Variants in NRXN1 observed in about 807,000 individuals in gnomAD.
NRXN1 encodes neurexin-1.
In NRXN1, 39 loss-of-function variants were observed where a neutral mutation model predicts 150.9. The observed-to-expected ratio is 0.26, with a 90% confidence interval of 0.20 to 0.34. NRXN1 has a LOEUF of 0.34. Ranked by LOEUF, NRXN1 falls within the 10% of genes least tolerant of loss-of-function variation. The pLI is 1.00. For synonymous variants in NRXN1, 924 were observed against 757.0 expected, an observed-to-expected ratio of 1.22 and a Z score of -3.62; for missense variants, 1,815 against 1,949.9, an observed-to-expected ratio of 0.93 and a Z score of 1.30.
Position 50,567,361 on chromosome 2 carries a change from C to T in NRXN1, c.1321-14336G>A, listed in dbSNP as rs1573578795. On this transcript the variant is annotated intron_variant, in intron 8 of 22. Coordinates refer to ENST00000401669, the MANE Select transcript of NRXN1 (RefSeq NM_001330078.2). ...GAGAGATGTACTAACCACACGTAGA[C>T]TGGGACCATTTTTTTCATTGTAACT... Among the ~76,000 whole-genome samples the T allele has an allele frequency of 2.6e-5, 4 of 152,218 alleles. 1 individual carries two copies. The highest frequency in any genetic ancestry group is 2.1e-4 in the South Asian group (1 of 4,818).
At chr2:50,072,056 T>C (rs1386456882) in intron 19 of NRXN1, among the ~76,000 whole-genome samples, 1 of 152,250 alleles carries the variant, frequency 6.6e-6, no homozygotes. Flanking sequence ...GAAATATACA[T>C]GATTATATGT....
intron 18 of NRXN1, among the ~76,000 whole-genome samples, chr2:50,131,254 C>G (rs1035405273): frequency 2.0e-5 from 3 of 152,152 alleles, no homozygotes; most frequent in Non-Finnish European, 4.4e-5. Flanking sequence ...ATCATTAACA[C>G]CTTTGTCCCA....
chr2:50,267,388 GT>G (rs2069022162), intron 17 of NRXN1, among the ~76,000 whole-genome samples: 1 of 152,068 alleles, frequency 6.6e-6, no homozygotes, highest in Admixed American at 6.5e-5. Context: ...GAAGAATAAT[GT>G]TTATGGTACA....
chr2:50,087,822 A>G (rs749437844), intron 19 of NRXN1, among the ~76,000 whole-genome samples: 3 of 152,176 alleles, frequency 2.0e-5, no homozygotes, highest in Admixed American at 6.5e-5. Flanking sequence ...CTTCCAGGCA[A>G]TTACAGAGCA....
chr2:50,516,114 A>T (rs963289206), intron 12 of NRXN1, among the ~76,000 whole-genome samples: 1 of 152,212 alleles, frequency 6.6e-6, no homozygotes, highest in Admixed American at 6.5e-5. Context: ...AGAACATTCA[A>T]TTACAAATTA....
intron 5 of NRXN1, among the ~76,000 whole-genome samples, chr2:50,678,565 A>T (rs1041277400): frequency 4.6e-5 from 7 of 152,090 alleles, no homozygotes; most frequent in African/African-American, 1.7e-4. Flanking sequence ...GAAAAACCTC[A>T]TTTTCAATTT....
intron 8 of NRXN1, among the ~76,000 whole-genome samples, chr2:50,572,589 C>A (rs925725767): frequency 6.6e-6 from 1 of 152,072 alleles, no homozygotes. Context: ...CTGATGTAGG[C>A]TTTTTCTATC....
chr2:50,167,755 C>T (rs1397268828), intron 18 of NRXN1, among the ~76,000 whole-genome samples: 2 of 152,050 alleles, frequency 1.3e-5, no homozygotes, highest in African/African-American at 2.4e-5. Flanking sequence ...GTTTCTATGC[C>T]TTTAAAAATT....
At chr2:50,004,246 C>G (rs1298853595) in intron 21 of NRXN1, among the ~76,000 whole-genome samples, 1 of 152,044 alleles carries the variant, frequency 6.6e-6, no homozygotes, top group Non-Finnish European at 1.5e-5. Flanking sequence ...TAGAGACACT[C>G]TTGTGAGTAA....
intron 5 of NRXN1, among the ~76,000 whole-genome samples, chr2:50,737,294 GGTCA>G (rs1327691210): frequency 8.5e-5 from 13 of 152,084 alleles, no homozygotes; most frequent in Admixed American, 7.9e-4. Context: ...TGGCATAAAA[GGTCA>G]GTGTTTGAAA....
At chr2:50,375,308 C>T (rs2080401322) in intron 17 of NRXN1, among the ~76,000 whole-genome samples, 2 of 151,264 alleles carry the variant, frequency 1.3e-5, no homozygotes, top group Non-Finnish European at 2.9e-5. Context: ...TTACTTTGTG[C>T]CAAATACCAG....
At chr2:50,124,282 A>G (rs879538737) in intron 18 of NRXN1, among the ~76,000 whole-genome samples, 5 of 152,110 alleles carry the variant, frequency 3.3e-5, no homozygotes, top group Non-Finnish European at 7.4e-5. Context: ...TGAATACATT[A>G]TTTACCTAAT....
At chr2:50,123,094 T>C (rs958221459) in intron 18 of NRXN1, among the ~76,000 whole-genome samples, 2 of 152,216 alleles carry the variant, frequency 1.3e-5, no homozygotes, top group African/African-American at 4.8e-5. Flanking sequence ...ACCTTTGATA[T>C]GCCAGGCACT....
intron 15 of NRXN1, among the ~76,000 whole-genome samples, chr2:50,483,000 A>T (rs2090586136): frequency 6.9e-6 from 1 of 145,118 alleles, no homozygotes; most frequent in African/African-American, 2.6e-5. Context: ...GCAGTGAGCC[A>T]AGATCGCGCC....
rs532206239 is a variant in NRXN1 at position 50,540,380 on chromosome 2, G to A, written c.1760-1744C>T. On this transcript the variant is annotated intron_variant, in intron 9 of 22. Transcript: ENST00000401669. ...AGAAAAATATAAAGCATGGCATTTT[G>A]GGGAAATAAAATTTATAATATTGAA... is the stretch of plus-strand genomic sequence containing the variant. Among the ~76,000 whole-genome samples, 28 of 152,242 alleles carry A rather than the reference G, an allele frequency of 1.8e-4. No individual in the cohort carries two copies. In the South Asian group the frequency reaches 5.8e-3, roughly 32 times the overall value.
intron 12 of NRXN1, among the ~76,000 whole-genome samples, chr2:50,509,893 T>C (rs1013228195): frequency 2.0e-5 from 3 of 152,050 alleles, no homozygotes; most frequent in Non-Finnish European, 4.4e-5. Context: ...CTTCAAGATA[T>C]GATTAGGTTT....
chr2:50,016,279 A>T (rs553581287), intron 21 of NRXN1, among the ~76,000 whole-genome samples: 1 of 152,222 alleles, frequency 6.6e-6, no homozygotes, highest in Non-Finnish European at 1.5e-5. Context: ...AGAAGGCAAG[A>T]TGCCATTTTC....
chr2:50,940,451 G>T (rs1423490922), intron 2 of NRXN1, among the ~76,000 whole-genome samples: 1 of 148,840 alleles, frequency 6.7e-6, no homozygotes, highest in Non-Finnish European at 1.5e-5. Flanking sequence ...CTCCAACCTG[G>T]TGACAGAGCA....
intron 17 of NRXN1, among the ~76,000 whole-genome samples, chr2:50,255,600 T>G (rs1305320158): frequency 6.6e-6 from 1 of 152,150 alleles, no homozygotes; most frequent in Admixed American, 6.6e-5. Flanking sequence ...CCTTAAGCTC[T>G]GAAGTGAAAA....
Sources: allele counts gnomAD v4.1 joint callset (sites outside exome capture counted in the v4.1 genomes callset), GRCh38; gene constraint gnomAD v4.1.1; transcripts MANE v1.5; gene names NCBI Gene and HGNC (gene_info 2026-07-23, HGNC 2026-07-21).